NHSL1: variants seen among roughly 807,000 people sequenced by gnomAD.
The protein encoded by NHSL1 is NHS like 1.
NHSL1 carries 48 observed loss-of-function variants against 95.0 expected under a neutral mutation model. The ratio of observed to expected loss-of-function variants is 0.51; its 90% CI spans 0.40 to 0.64. The LOEUF (loss-of-function observed/expected upper bound fraction) is 0.64, where lower values mean the gene tolerates loss of function less well. Among genes scored for constraint, NHSL1 ranks in the 30% least tolerant of loss-of-function variants. The pLI, the probability that NHSL1 is intolerant of heterozygous loss-of-function variation, is 0.00. For synonymous variants in NHSL1, 783 were observed against 833.9 expected (o/e 0.94, Z 1.05); for missense variants, 1,971 against 2,077.7 (o/e 0.95, Z 1.00).
At chr6:138,653,825 A>G (rs74776262) in intron 1 of NHSL1, among the ~76,000 whole-genome samples, 2 of 152,166 alleles carry the variant, frequency 1.3e-5, no homozygotes, top group Non-Finnish European at 2.9e-5. Flanking sequence ...TACATATGAA[A>G]TGTTTCACGA....
chr6:138,554,031 G>A (rs921994002), intron 1 of NHSL1, among the ~76,000 whole-genome samples: 2 of 152,174 alleles, frequency 1.3e-5, no homozygotes, highest in East Asian at 1.9e-4. Context: ...GGAGGATACC[G>A]AAAGATGTCA....
At chr6:138,603,684 C>T (rs141783847) in intron 1 of NHSL1, among the ~76,000 whole-genome samples, 51 of 152,282 alleles carry the variant, frequency 3.3e-4, no homozygotes, top group African/African-American at 1.1e-3. Flanking sequence ...CTCCCCTTCT[C>T]GTACTTTAAG....
At chr6:138,547,375 C>T (rs886642256), upstream of NHSL1, among the ~76,000 whole-genome samples, 1 of 150,624 alleles carries the variant, frequency 6.6e-6, no homozygotes, top group African/African-American at 2.4e-5. Context: ...GTGATATTAA[C>T]GCTTCTTCTT....
At chr6:138,546,448 A>AAAAAAAC (rs1562362744), upstream of NHSL1, among the ~76,000 whole-genome samples, 1 of 142,012 alleles carries the variant, frequency 7.0e-6, no homozygotes, top group African/African-American at 3.0e-5. Context: ...AAAAAAAAAA[A>AAAAAAAC]AAAAAAAAAA....
At chr6:138,494,504 A>C (rs1780237398) in intron 2 of NHSL1, among the ~76,000 whole-genome samples, 1 of 152,210 alleles carries the variant, frequency 6.6e-6, no homozygotes, top group Admixed American at 6.5e-5. Context: ...GAGATAATAC[A>C]TTCAGTGGGC....
chr6:138,687,834 C>T (rs1384722318), intron 1 of NHSL1, among the ~76,000 whole-genome samples: 1 of 149,476 alleles, frequency 6.7e-6, no homozygotes, highest in Non-Finnish European at 1.5e-5. Context: ...GGAGGGTTGA[C>T]AGGAAATGGG....
chr6:138,453,218 G>A (rs149371213), intron 3 of NHSL1, among the ~76,000 whole-genome samples: 20,577 of 151,908 alleles, frequency 0.14, 1,423 homozygotes, highest in Middle Eastern at 0.17. Context: ...CAGGTAATCC[G>A]CCCGCCTCAG....
intron 3 of NHSL1, among the ~76,000 whole-genome samples, chr6:138,456,109 A>G (rs1777595956): frequency 6.6e-6 from 1 of 152,242 alleles, no homozygotes; most frequent in Admixed American, 6.5e-5. Context: ...GTAACTATGT[A>G]ATTTTATCGA....
intron 1 of NHSL1, among the ~76,000 whole-genome samples, chr6:138,559,045 T>C: frequency 6.6e-6 from 1 of 151,042 alleles, no homozygotes; most frequent in East Asian, 1.9e-4. Flanking sequence ...GGAGACTCTA[T>C]CTCTTTAAAA....
intron 1 of NHSL1, among the ~76,000 whole-genome samples, chr6:138,637,760 C>A (rs1467115357): frequency 6.6e-6 from 1 of 152,138 alleles, no homozygotes; most frequent in Non-Finnish European, 1.5e-5. Context: ...GAAAAGGGAA[C>A]CCTCGTACAG....
At chr6:138,597,446 C>G (rs534856560) in intron 1 of NHSL1, among the ~76,000 whole-genome samples, 1 of 152,186 alleles carries the variant, frequency 6.6e-6, no homozygotes, top group Non-Finnish European at 1.5e-5. Flanking sequence ...TTAATCATCA[C>G]GGAACTTTAG....
In NHSL1 at chr6:138,441,990, C is replaced by G. The variant is rs966232138; in HGVS notation, c.657G>C (p.Lys219Asn). 3.9e-6 allele frequency: 6 copies of G among 1,550,616 alleles called. No homozygotes were observed. The highest frequency in any genetic ancestry group is 2.0e-5 in the Admixed American group (1 of 50,832). ...TITGVPDNIQ[K>N]ELASGTGQDD... ...AGTTCTGATGAGCCATACCTAGCTCCTTCTGTATGTTGTCAGGGACTCCTG... is the reference window on the plus strand; with the variant it reads ...AGTTCTGATGAGCCATACCTAGCTCGTTCTGTATGTTGTCAGGGACTCCTG... The change falls in exon 5 of 8, where the codon AAG (lysine) becomes AAC (asparagine). Residue 219 changes from lysine to asparagine, a missense_variant. Physicochemically the swap from Lys to Asn is moderately conservative, Grantham distance 94 (BLOSUM62 0). Around this residue, in one of 3 missense-constraint regions of NHSL1, gnomAD observed 1,602 missense variants for 1,654.5 expected, o/e 0.97. Coordinates refer to ENST00000343505, the MANE Select transcript of NHSL1 (RefSeq NM_001144060.2).
chr6:138,687,690 GAAAC>G, intron 1 of NHSL1, among the ~76,000 whole-genome samples: 2 of 152,168 alleles, frequency 1.3e-5, no homozygotes, highest in South Asian at 2.1e-4. Context: ...ATTATAAAAA[GAAAC>G]AAATTATGAA....
intron 1 of NHSL1, among the ~76,000 whole-genome samples, chr6:138,544,894 G>A (rs1782721583): frequency 6.6e-6 from 1 of 151,112 alleles, no homozygotes. Flanking sequence ...AGGGAATGAC[G>A]ACATATACTC....
intron 1 of NHSL1, among the ~76,000 whole-genome samples, chr6:138,592,185 T>C (rs1364395890): frequency 1.3e-5 from 2 of 152,194 alleles, no homozygotes; most frequent in Admixed American, 6.5e-5. Context: ...TTTTCAAGAT[T>C]GCACAGGTAA....
In NHSL1 at chr6:138,692,540, C is replaced by T. The variant is rs1385617765; in HGVS notation, c.33G>A (p.Leu11=). The change falls in exon 1 of 4, where the codon CTG becomes CTA. Residue 11 remains leucine, a synonymous_variant. Transcript: ENST00000491526. The surrounding 1 kb of genome is among the most constrained non-coding windows in gnomAD (Gnocchi z 4.0). ...CTTGCAGGGCGTCGAGGCGGCGGTG[C>T]AGCGCGGCGGTGCGGTGGCCCAGCG... 1 of 204,896 alleles carries T rather than the reference C, an allele frequency of 4.9e-6. No individual in the cohort carries two copies. Among genetic ancestry groups the T allele is most frequent in the South Asian group, 6.6e-5 (1 of 15,094 alleles). The allele number at this position is 204,896 out of a possible 1,614,324, so 12.7% of individuals were successfully genotyped here. A position where few individuals can be genotyped will look rare whatever the true frequency, so the allele number is the denominator to read the frequency against.
chr6:138,631,890 G>A (rs923827204), intron 1 of NHSL1, among the ~76,000 whole-genome samples: 5 of 152,104 alleles, frequency 3.3e-5, no homozygotes, highest in Non-Finnish European at 7.4e-5. Context: ...TCTCAGCCAC[G>A]GGGAGGTAGA....
In NHSL1 at chr6:138,430,814, G is replaced by A; in HGVS notation, c.3531C>T (p.Ser1177=). The A allele has an allele frequency of 1.3e-6, 2 of 1,550,964 alleles. No individual in the cohort carries two copies. The highest frequency in any genetic ancestry group is 1.7e-6 in the Non-Finnish European group (2 of 1,146,898). The change falls in exon 6 of 8, where the codon AGC becomes AGT. Residue 1177 remains serine (S), a synonymous_variant. Transcript: ENST00000343505. The surrounding 1 kb of genome is among the most constrained non-coding windows in gnomAD (Gnocchi z 4.7). The part of the protein sequence containing the change: ...PSAGEAEARP[S]PSTTPLPDSS... ...AGTCTGGGAGTGGGGTGGTGCTGGG[G>A]CTGGGCCGAGCCTCTGCCTCCCCAG...
At chr6:138,594,119 T>C (rs1784269480) in intron 1 of NHSL1, among the ~76,000 whole-genome samples, 1 of 152,162 alleles carries the variant, frequency 6.6e-6, no homozygotes. Flanking sequence ...TCAGTTTATT[T>C]TGATCACATT....
Sources: allele counts gnomAD v4.1 joint callset (sites outside exome capture counted in the v4.1 genomes callset), GRCh38; gene constraint gnomAD v4.1.1; regional missense constraint gnomAD v4.1.1; non-coding constraint Gnocchi (gnomAD v3.1); transcripts MANE v1.5; gene names NCBI Gene and HGNC (gene_info 2026-07-23, HGNC 2026-07-21).